LRBA: variants seen among roughly 807,000 people sequenced by gnomAD.
The protein encoded by LRBA is LPS responsive beige-like anchor protein.
LRBA carries 176 observed loss-of-function variants against 330.0 expected under a neutral mutation model. That is an observed-to-expected ratio of 0.53 (90% confidence interval 0.47 to 0.60). The LOEUF is 0.60. LRBA is among the 20% of genes least tolerant of loss of function. LRBA has a pLI of 0.00. For missense variants in LRBA, 3,259 were observed against 3,444.8 expected (o/e 0.95, Z 1.35); for synonymous variants, 1,230 against 1,193.0 (o/e 1.03, Z -0.64).
intron 35 of LRBA, among the ~76,000 whole-genome samples, chr4:150,760,616 A>G (rs746581154): frequency 6.6e-6 from 1 of 151,938 alleles, no homozygotes; most frequent in Non-Finnish European, 1.5e-5. Flanking sequence ...CAATGCCTTC[A>G]GATATTCTGT....
intron 2 of LRBA, among the ~76,000 whole-genome samples, chr4:150,994,070 A>G (rs1742385892): frequency 6.6e-6 from 1 of 152,038 alleles, no homozygotes; most frequent in East Asian, 1.9e-4. Context: ...GTCTCAAAAA[A>G]AAAAAAAAAA....
chr4:150,389,035 T>C (rs1471441428), intron 47 of LRBA, among the ~76,000 whole-genome samples: 2 of 152,128 alleles, frequency 1.3e-5, no homozygotes, highest in Non-Finnish European at 2.9e-5. Flanking sequence ...ATATAAAAAC[T>C]ATTAGCATTC....
chr4:150,406,535 G>A lies in LRBA; in HGVS notation c.7194+8903C>T, dbSNP rs188707397. 5.4e-4 allele frequency among the ~76,000 whole-genome samples: 82 copies of A among 152,258 alleles called. No individual in the cohort carries two copies. The East Asian group carries it at 0.015, about 28-fold the overall frequency. Reference sequence around the variant, plus strand: ...TATACCATGCAAACAGTTACCATAAGAGAACTGACGTGGCTTTAACAGTAT... The same window carrying A: ...TATACCATGCAAACAGTTACCATAAAAGAACTGACGTGGCTTTAACAGTAT... On this transcript the variant is annotated intron_variant, in intron 47 of 56. Transcript: ENST00000651943.
At chr4:150,896,056 A>G (rs1244634781) in intron 16 of LRBA, among the ~76,000 whole-genome samples, 3 of 152,196 alleles carry the variant, frequency 2.0e-5, no homozygotes, top group African/African-American at 7.2e-5. Flanking sequence ...TGAATTTTTA[A>G]AACCTAATCA....
chr4:150,927,298 G>A (rs917311018), intron 4 of LRBA, among the ~76,000 whole-genome samples: 4 of 151,302 alleles, frequency 2.6e-5, no homozygotes, highest in Non-Finnish European at 5.9e-5. Context: ...GCATGAACCC[G>A]GGAGGCAGAG....
intron 36 of LRBA, among the ~76,000 whole-genome samples, chr4:150,695,310 T>C (rs1784526680): frequency 1.3e-5 from 2 of 152,146 alleles, no homozygotes; most frequent in Non-Finnish European, 2.9e-5. Context: ...ATCTACAGAT[T>C]CGACCAAATT....
intron 36 of LRBA, among the ~76,000 whole-genome samples, chr4:150,688,927 A>C (rs186385950): frequency 1.5e-3 from 227 of 152,346 alleles, no homozygotes; most frequent in Admixed American, 3.0e-3. Flanking sequence ...TAGAACTAGA[A>C]ATACCATTTG....
rs80123603 is a variant in LRBA at position 150,468,933 on chromosome 4, C to A, written c.6668-1148G>T. Among the ~76,000 whole-genome samples, 139 of 151,796 alleles carry A rather than the reference C, an allele frequency of 9.2e-4. 4 individuals carry two copies. Among genetic ancestry groups the A allele is most frequent in the African/African-American group, 3.3e-3 (137 of 41,422 alleles). On this transcript the variant is annotated intron_variant, in intron 43 of 56. Transcript: ENST00000651943. ...GACCTGGAACAGTCTTATAAAACATCATAACAATGACATTTTTAATTCATA... is the reference window on the plus strand; with the variant it reads ...GACCTGGAACAGTCTTATAAAACATAATAACAATGACATTTTTAATTCATA...
intron 37 of LRBA, among the ~76,000 whole-genome samples, chr4:150,645,173 T>C (rs1170641724): frequency 3.3e-5 from 5 of 150,546 alleles, no homozygotes; most frequent in Admixed American, 3.3e-4. Context: ...TAAGGTTTTA[T>C]TATGATTTTC....
At chr4:150,923,338 C>T (rs1048406155) in intron 4 of LRBA, among the ~76,000 whole-genome samples, 7 of 152,006 alleles carry the variant, frequency 4.6e-5, no homozygotes, top group Non-Finnish European at 8.8e-5. Context: ...GTCTTCTTCC[C>T]ACAACAGGGC....
At chr4:150,434,077 AC>A (rs1750778006) in intron 46 of LRBA, among the ~76,000 whole-genome samples, 1 of 152,164 alleles carries the variant, frequency 6.6e-6, no homozygotes, top group Non-Finnish European at 1.5e-5. Flanking sequence ...ACAGTAACAT[AC>A]ACATTAGCAG....
intron 28 of LRBA, among the ~76,000 whole-genome samples, chr4:150,833,340 T>A (rs1335535496): frequency 2.6e-5 from 4 of 151,790 alleles, no homozygotes; most frequent in Admixed American, 2.6e-4. Context: ...AAACTCAAAT[T>A]TATCTATCAA....
At chr4:150,292,788 A>T (rs1318800108) in intron 53 of LRBA, among the ~76,000 whole-genome samples, 1 of 152,174 alleles carries the variant, frequency 6.6e-6, no homozygotes, top group Non-Finnish European at 1.5e-5. Flanking sequence ...ATAAACCTGC[A>T]AATTATAATT....
At chr4:150,885,340 C>T (rs1032292426) in intron 17 of LRBA, among the ~76,000 whole-genome samples, 1 of 152,110 alleles carries the variant, frequency 6.6e-6, no homozygotes, top group Non-Finnish European at 1.5e-5. Flanking sequence ...TGAGTCACCA[C>T]TAGGCCGGGC....
At chr4:150,460,172 A>G (rs990223567) in intron 44 of LRBA, among the ~76,000 whole-genome samples, 39 of 151,998 alleles carry the variant, frequency 2.6e-4, no homozygotes, top group African/African-American at 8.4e-4. Flanking sequence ...TTAAAGAGAT[A>G]AAGAAGTGCT....
chr4:150,988,647 C>T (rs1395788887), intron 2 of LRBA, among the ~76,000 whole-genome samples: 1 of 151,760 alleles, frequency 6.6e-6, no homozygotes, highest in Non-Finnish European at 1.5e-5. Flanking sequence ...GGTGCAATCT[C>T]GGCTCACTGC....
intron 37 of LRBA, among the ~76,000 whole-genome samples, chr4:150,674,025 G>A (rs1489183526): frequency 6.6e-6 from 1 of 152,114 alleles, no homozygotes; most frequent in Non-Finnish European, 1.5e-5. Flanking sequence ...GGGCTGGGGA[G>A]TGATTTTCAT....
chr4:151,005,835 T>C (rs1744009945), intron 2 of LRBA, among the ~76,000 whole-genome samples: 1 of 151,918 alleles, frequency 6.6e-6, no homozygotes, highest in Non-Finnish European at 1.5e-5. Context: ...CCTCAGGTGA[T>C]CCCACCCACC....
At position 150,971,165 on chromosome 4, in the gene LRBA, A is replaced by T. The variant is rs140924986; in HGVS notation, c.217-42100T>A. ...TTGTTGCAACCCTTAGAGGCAATGT[A>T]TTAGTTATGGTTGCTACTACTTTTC... On this transcript the variant is annotated intron_variant, in intron 2 of 56. Transcript: ENST00000651943. Among the ~76,000 whole-genome samples, 25 of 152,352 alleles carry T rather than the reference A, an allele frequency of 1.6e-4. No homozygotes were observed. In the East Asian group the frequency reaches 4.8e-3, roughly 29 times the overall value.
Sources: allele counts gnomAD v4.1 joint callset (sites outside exome capture counted in the v4.1 genomes callset), GRCh38; gene constraint gnomAD v4.1.1; transcripts MANE v1.5; gene names NCBI Gene and HGNC (gene_info 2026-07-23, HGNC 2026-07-21).